The following RPGRIP1 variants were observed in gnomAD, a reference collection of about 807,000 sequenced individuals.
RPGRIP1 encodes the protein X-linked retinitis pigmentosa GTPase regulator-interacting protein 1.
In RPGRIP1, 128 loss-of-function variants were observed where a neutral mutation model predicts 157.9. The ratio of observed to expected loss-of-function variants is 0.81; its 90% CI spans 0.70 to 0.94. RPGRIP1 has a LOEUF of 0.94. Among genes scored for constraint, RPGRIP1 ranks in the 40% least tolerant of loss-of-function variants. RPGRIP1 has a pLI of 0.00. For missense variants in RPGRIP1, 1,486 were observed against 1,545.8 expected (o/e 0.96, Z 0.65); for synonymous variants, 554 against 571.6 (o/e 0.97, Z 0.44).
intron 1 of RPGRIP1, among the ~76,000 whole-genome samples, chr14:21,284,618 C>G (rs370840103): frequency 1.4e-5 from 2 of 145,610 alleles, no homozygotes; most frequent in African/African-American, 5.1e-5. Flanking sequence ...GATCTCTGCT[C>G]ACTGCATCCT....
chr14:21,341,975 G>T (rs568935479), intron 21 of RPGRIP1, among the ~76,000 whole-genome samples: 1 of 151,768 alleles, frequency 6.6e-6, no homozygotes, highest in African/African-American at 2.4e-5. Context: ...GCGGGAACCC[G>T]GGAAGAAGAG....
chr14:21,307,875 G>C, intron 7 of RPGRIP1, 39 bp downstream of exon 7: 1 of 1,096,404 alleles, frequency 9.1e-7, no homozygotes, highest in East Asian at 2.7e-5. Flanking sequence ...TTGGTGGGGG[G>C]AAACCCCAAT....
intron 21 of RPGRIP1, among the ~76,000 whole-genome samples, chr14:21,340,867 C>T (rs910466475): frequency 9.2e-5 from 14 of 152,194 alleles, no homozygotes; most frequent in African/African-American, 3.4e-4. Context: ...TCCTGTCTAT[C>T]CTATCCTATT....
chr14:21,304,394 AG>A (rs1407883312), intron 6 of RPGRIP1, among the ~76,000 whole-genome samples: 4 of 11,658 alleles, frequency 3.4e-4, no homozygotes, highest in African/African-American at 7.9e-4. Flanking sequence ...AGAGAGAGAA[AG>A]AAAGAAAGAA....
intron 2 of RPGRIP1, among the ~76,000 whole-genome samples, chr14:21,289,027 T>A (rs1173106466): frequency 6.6e-6 from 1 of 152,098 alleles, no homozygotes; most frequent in Admixed American, 6.6e-5. Context: ...CTTCCACACA[T>A]TATTTAAGAT....
chr14:21,342,102 GCCT>G (rs1405337401), intron 21 of RPGRIP1, among the ~76,000 whole-genome samples: 1 of 151,948 alleles, frequency 6.6e-6, no homozygotes, highest in African/African-American at 2.4e-5. Flanking sequence ...TGGTCTGGTG[GCCT>G]CCTCAGTGGC....
At chr14:21,343,739 G>A (rs79164315) in intron 22 of RPGRIP1, among the ~76,000 whole-genome samples, 3,385 of 152,044 alleles carry the variant, frequency 0.022, 77 homozygotes, top group East Asian at 0.14. Flanking sequence ...TGATCTGCCT[G>A]CCTTGGCCTC....
At chr14:21,309,924 T>A (rs1049639338) in intron 7 of RPGRIP1, among the ~76,000 whole-genome samples, 2 of 87,846 alleles carry the variant, frequency 2.3e-5, no homozygotes, top group African/African-American at 7.6e-5. Flanking sequence ...ACCCCGTCTC[T>A]ACTAAAATAC....
chr14:21,284,958 T>C (rs1180780958), intron 1 of RPGRIP1, among the ~76,000 whole-genome samples: 3 of 150,240 alleles, frequency 2.0e-5, no homozygotes, highest in Non-Finnish European at 4.4e-5. Context: ...CTCTCTCTTG[T>C]TCGTTCATTC....
chr14:21,288,691 T>G (rs1314909956), intron 2 of RPGRIP1, among the ~76,000 whole-genome samples: 1 of 151,258 alleles, frequency 6.6e-6, no homozygotes, highest in Non-Finnish European at 1.5e-5. Context: ...ATTTGGTATT[T>G]TTAGTACAGA....
rs768913743 is a variant in RPGRIP1, at chr14:21,325,348, G to A, written c.2332G>A (p.Asp778Asn). The A allele has an allele frequency of 1.9e-5, 30 of 1,596,140 alleles. No homozygotes were observed. The highest frequency in any genetic ancestry group is 1.1e-4 in the African/African-American group (8 of 74,556). The change falls in exon 16 of 25, where the codon GAT (aspartate) becomes AAT (asparagine). Residue 778 changes from aspartate to asparagine, a missense_variant. Physicochemically the swap from Asp to Asn is conservative, Grantham distance 23. Transcript: ENST00000400017. ...GAAAGCCCAGGTCTACCTGTCAACC[G>A]ATGTGCTTGGAGGCCGGAAGGCCCA... The part of the protein sequence containing the change: ...RKKAQVYLST[D>N]VLGGRKAQEE...
chr14:21,294,591 C>A, intron 2 of RPGRIP1, 86 bp from the exon 3 acceptor site: 1 of 1,326,572 alleles, frequency 7.5e-7, no homozygotes, highest in Non-Finnish European at 1.1e-6. Flanking sequence ...GATTTATGCT[C>A]TCTGGACAAG....
intron 6 of RPGRIP1, among the ~76,000 whole-genome samples, chr14:21,305,832 G>C (rs1007379566): frequency 2.1e-4 from 32 of 152,106 alleles, no homozygotes; most frequent in African/African-American, 7.7e-4. Flanking sequence ...CTGCACTCCA[G>C]CCTGGGCAAC....
rs1881563972 is a variant in RPGRIP1 at position 21,312,118 on chromosome 14, ATT to A, written c.1077+149_1077+150del. 3 of 754,578 alleles carry A rather than the reference ATT, an allele frequency of 4.0e-6. No homozygotes were observed. In the Admixed American group the frequency reaches 8.0e-5, roughly 20 times the overall value. 46.7% of individuals were successfully genotyped at this position (754,578 alleles called of 1,614,324 possible). A position where few individuals can be genotyped will look rare whatever the true frequency, so the allele number is the denominator to read the frequency against. The stretch of plus-strand genomic sequence containing the variant: ...TAAATCATTTGCTTAAGATTACACC[ATT>A]AGAGGGAAAGCTTGGATTTGTACTT... On this transcript the variant is annotated intron_variant, in intron 9 of 24. Transcript: ENST00000400017.
At chr14:21,328,066 G>T (rs554243120) in intron 18 of RPGRIP1, among the ~76,000 whole-genome samples, 94 of 152,292 alleles carry the variant, frequency 6.2e-4, no homozygotes, top group Non-Finnish European at 1.1e-3. Flanking sequence ...GCTACTGGGA[G>T]GCTGAGGCAG....
intron 5 of RPGRIP1, 42 bp downstream of exon 5, chr14:21,302,626 T>C (rs1881083831): frequency 1.6e-6 from 2 of 1,213,660 alleles, no homozygotes. Flanking sequence ...TTCCTGCCAC[T>C]TTAATTAGAA....
chr14:21,321,619 C>A, intron 13 of RPGRIP1: 2 of 1,100,914 alleles, frequency 1.8e-6, no homozygotes, highest in Non-Finnish European at 1.2e-6. Context: ...CAGCCCATGC[C>A]AATGGCAAGC....
In RPGRIP1 at chr14:21,317,781, C is replaced by G. The variant is rs2139188247; in HGVS notation, c.1237C>G (p.Leu413Val). ...AEQLQQQVSQ[L>V]QDQLDAELED... ...ACAGCTACAGCAGCAAGTCTCTCAG[C>G]TGCAGGATCAGCTGGATGCTGAGCT... is the stretch of plus-strand genomic sequence containing the variant. The change falls in exon 11 of 25, where the codon CTG becomes GTG. Residue 413 changes from leucine to valine, a missense_variant. Physicochemically the swap from Leu to Val is conservative, Grantham distance 32. Transcript: ENST00000400017. 2 of 1,601,662 alleles carry G rather than the reference C, an allele frequency of 1.2e-6. No individual in the cohort carries two copies. Among genetic ancestry groups the G allele is most frequent in the Non-Finnish European group, 8.5e-7 (1 of 1,174,132 alleles).
chr14:21,289,776 G>A (rs1237167879), intron 2 of RPGRIP1, among the ~76,000 whole-genome samples: 1 of 152,128 alleles, frequency 6.6e-6, no homozygotes. Context: ...GCCGAGGCAG[G>A]TGGATCACCT....
Sources: allele counts gnomAD v4.1 joint callset (sites outside exome capture counted in the v4.1 genomes callset), GRCh38; gene constraint gnomAD v4.1.1; transcripts MANE v1.5; gene names NCBI Gene and HGNC (gene_info 2026-07-23, HGNC 2026-07-21).